The following PUDP variants were observed in gnomAD, a reference collection of about 807,000 sequenced individuals.
PUDP encodes pseudouridine 5'-phosphatase, also known as pseudouridine-5'-phosphatase.
A neutral mutation model predicts 9.4 loss-of-function variants in PUDP; 8 were observed. The observed-to-expected ratio is 0.85, with a 90% confidence interval of 0.50 to 1.53. PUDP has a LOEUF of 1.53. Among genes scored for constraint, PUDP ranks in the 40% most tolerant of loss-of-function variants. The pLI is 0.00. For missense variants in PUDP, 188 were observed against 189.7 expected (o/e 0.99, Z 0.05); for synonymous variants, 99 against 80.7 (o/e 1.23, Z -1.22).
chrX:6,724,907 G>A (rs947158210), upstream of PUDP, among the ~76,000 whole-genome samples: 3 of 111,868 alleles, frequency 2.7e-5, no homozygotes, highest in African/African-American at 9.7e-5. Flanking sequence ...CAGTCTGGCA[G>A]CATGGAGCAC....
chrX:7,117,040 G>T (rs1287907926), intron 1 of PUDP: 3 of 1,164,890 alleles, frequency 2.6e-6, no homozygotes, highest in African/African-American at 3.6e-5. Context: ...ATAACCTGCA[G>T]AAATGTGAGC....
chrX:7,081,789 T>C (rs186447008), intron 2 of PUDP, among the ~76,000 whole-genome samples: 75 of 113,043 alleles, frequency 6.6e-4, no homozygotes, highest in Non-Finnish European at 9.7e-4. Flanking sequence ...CCTCATGGAA[T>C]TAATTCACAA....
intron 1 of PUDP, among the ~76,000 whole-genome samples, chrX:7,004,311 T>G (rs1929371746): frequency 8.9e-6 from 1 of 111,935 alleles, no homozygotes; most frequent in Admixed American, 9.5e-5. Context: ...TTTTTTTGTT[T>G]TAGCTCAGTG....
intron 3 of PUDP, among the ~76,000 whole-genome samples, chrX:7,066,430 G>A (rs1370717015): frequency 9.0e-6 from 1 of 111,263 alleles, no homozygotes; most frequent in Non-Finnish European, 1.9e-5. Flanking sequence ...GGTGGGGGGT[G>A]AAAGGGGCTG....
intron 3 of PUDP, among the ~76,000 whole-genome samples, chrX:6,745,872 G>A (rs1924993589): frequency 9.0e-6 from 1 of 111,234 alleles, no homozygotes; most frequent in African/African-American, 3.3e-5. Context: ...ACAAGCTCCT[G>A]GGCTCAAGCA....
At chrX:7,082,350 C>T (rs1016543398) in intron 2 of PUDP, among the ~76,000 whole-genome samples, 6 of 112,540 alleles carry the variant, frequency 5.3e-5, no homozygotes, top group East Asian at 5.6e-4. Context: ...AGCTGCCGCG[C>T]GGTCTCAGGT....
chrX:7,047,154 G>A (rs1569144893), downstream of PUDP, among the ~76,000 whole-genome samples: 1 of 111,876 alleles, frequency 8.9e-6, no homozygotes, highest in Non-Finnish European at 1.9e-5. Flanking sequence ...AATTAAATCG[G>A]AACAGGTAAC....
At chrX:6,909,549 G>A (rs1280877037) in intron 3 of PUDP, among the ~76,000 whole-genome samples, 6 of 111,937 alleles carry the variant, frequency 5.4e-5, no homozygotes, top group Non-Finnish European at 1.1e-4. Context: ...TTGGCACATA[G>A]CCATGCCCAT....
intron 3 of PUDP, among the ~76,000 whole-genome samples, chrX:6,827,190 G>A (rs1381916215): frequency 8.9e-6 from 1 of 111,856 alleles, no homozygotes; most frequent in African/African-American, 3.3e-5. Context: ...AAATCCTTCT[G>A]GATTGGTGAC....
At chrX:7,131,869 C>G (rs1473631228) in intron 1 of PUDP, among the ~76,000 whole-genome samples, 2 of 108,118 alleles carry the variant, frequency 1.8e-5, no homozygotes, top group African/African-American at 6.8e-5. Flanking sequence ...CCGCCTCTCA[C>G]CGAGTCCTCT....
intron 3 of PUDP, among the ~76,000 whole-genome samples, chrX:6,881,669 C>T (rs1005142765): frequency 2.7e-5 from 3 of 111,478 alleles, no homozygotes; most frequent in South Asian, 3.8e-4. Flanking sequence ...TTAACAAGTG[C>T]CTGCTTAAGA....
At chrX:7,107,098 T>C (rs1931905713) in intron 1 of PUDP, among the ~76,000 whole-genome samples, 1 of 111,953 alleles carries the variant, frequency 8.9e-6, no homozygotes, top group Non-Finnish European at 1.9e-5. Context: ...CGGATGCATC[T>C]GACAAAAATC....
intron 3 of PUDP, among the ~76,000 whole-genome samples, chrX:6,842,692 G>T (rs183199730): frequency 1.8e-5 from 2 of 112,137 alleles, no homozygotes; most frequent in African/African-American, 3.2e-5. Flanking sequence ...TATCCACCAA[G>T]ATATCTGTAC....
chrX:6,874,133 CT>C (rs1169631033), intron 3 of PUDP, among the ~76,000 whole-genome samples: 1 of 77,590 alleles, frequency 1.3e-5, no homozygotes, highest in Non-Finnish European at 3.1e-5. Context: ...GACCCCATCT[CT>C]TAAAAAAAAA....
At chrX:6,934,508 G>C (rs1473250483) in intron 3 of PUDP, among the ~76,000 whole-genome samples, 1 of 109,780 alleles carries the variant, frequency 9.1e-6, no homozygotes, top group African/African-American at 3.3e-5. Flanking sequence ...GGAACAACCG[G>C]TACCAGCCGC....
chrX:6,927,964 C>CTT (rs34707742), intron 3 of PUDP, among the ~76,000 whole-genome samples: 112 of 93,690 alleles, frequency 1.2e-3, no homozygotes, highest in South Asian at 2.1e-3. Flanking sequence ...GTGGTCTTCT[C>CTT]TTTTTTTTTT....
intron 3 of PUDP, among the ~76,000 whole-genome samples, chrX:6,768,608 T>C (rs909254044): frequency 8.9e-6 from 1 of 111,828 alleles, no homozygotes; most frequent in African/African-American, 3.2e-5. Context: ...GCAAGATCCA[T>C]TCTGTGAAGA....
intron 3 of PUDP, among the ~76,000 whole-genome samples, chrX:6,932,412 G>A (rs1043982715): frequency 8.9e-6 from 1 of 111,858 alleles, no homozygotes; most frequent in Admixed American, 9.5e-5. Context: ...TTTTGAAAGT[G>A]CATAGCTCAT....
intron 3 of PUDP, among the ~76,000 whole-genome samples, chrX:6,847,163 C>T (rs1205177206): frequency 2.7e-5 from 3 of 111,610 alleles, no homozygotes; most frequent in African/African-American, 6.5e-5. Flanking sequence ...CTCTGTGGCT[C>T]TTGCAGAATC....
Sources: gnomAD v4.1 joint callset for allele counts (sites outside exome capture counted in the v4.1 genomes callset) on GRCh38, gnomAD v4.1.1 for gene constraint, MANE v1.5 for transcripts, NCBI Gene and HGNC (gene_info 2026-07-23, HGNC 2026-07-21) for gene names.